PARN: variants seen among roughly 807,000 people sequenced by gnomAD.
PARN encodes poly(A)-specific ribonuclease, also known as poly(A)-specific ribonuclease PARN.
PARN carries 71 observed loss-of-function variants against 102.8 expected under a neutral mutation model. That is an observed-to-expected ratio of 0.69 (90% CI 0.57 to 0.84). The LOEUF is 0.84. Among genes scored for constraint, PARN ranks in the 40% least tolerant of loss-of-function variants. The pLI, the probability that PARN is intolerant of heterozygous loss-of-function variation, is 0.00. For missense variants in PARN, 782 were observed against 760.9 expected, an observed-to-expected ratio of 1.03 and a Z score of -0.33; for synonymous variants, 261 against 252.9, an observed-to-expected ratio of 1.03 and a Z score of -0.30.
At chr16:14,505,399 CAGGAGTTAAAGGCTGA>C (rs1964841366) in intron 21 of PARN, among the ~76,000 whole-genome samples, 1 of 152,126 alleles carries the variant, frequency 6.6e-6, no homozygotes, top group Admixed American at 6.5e-5. Context: ...ACCTCGAGCC[CAGGAGTTAAAGGCTGA>C]AGCTGGAGGG....
At chr16:14,496,159 A>G (rs1188569795) in intron 21 of PARN, among the ~76,000 whole-genome samples, 1 of 152,202 alleles carries the variant, frequency 6.6e-6, no homozygotes, top group East Asian at 1.9e-4. Context: ...CCTGCTGAAG[A>G]TGGCGATTCT....
At chr16:14,514,055 T>C (rs1158817170) in intron 21 of PARN, among the ~76,000 whole-genome samples, 1 of 152,136 alleles carries the variant, frequency 6.6e-6, no homozygotes, top group Non-Finnish European at 1.5e-5. Flanking sequence ...GAACCTCAGA[T>C]TCTAGTCAAG....
At position 14,444,301 on chromosome 16, in the gene PARN, CTT is replaced by C. The variant is rs1263280887; in HGVS notation, c.1864+2585_1864+2586del. Among the ~76,000 whole-genome samples the C allele has an allele frequency of 6.1e-5, 8 of 131,888 alleles. No homozygotes were observed. The South Asian group carries it at 1.4e-3, about 23-fold the overall frequency. The allele number at this position is 131,888 out of a possible 152,430, so 86.5% of individuals were successfully genotyped here. ...TCAATTAAAAGTTGTCAAGATGTCT[CTT>C]TCTCTTTTTTTTTTGGCAGCACTGA... On this transcript the variant is annotated intron_variant, in intron 23 of 23. Coordinates refer to ENST00000437198, the MANE Select transcript of PARN (RefSeq NM_002582.4).
intron 13 of PARN, among the ~76,000 whole-genome samples, chr16:14,589,722 C>T (rs549526037): frequency 6.0e-5 from 9 of 150,418 alleles, no homozygotes; most frequent in African/African-American, 1.7e-4. Flanking sequence ...AAAAATTAGC[C>T]AGGCATGGTG....
At chr16:14,573,156 T>C (rs1165658252) in intron 18 of PARN, among the ~76,000 whole-genome samples, 1 of 152,136 alleles carries the variant, frequency 6.6e-6, no homozygotes, top group Non-Finnish European at 1.5e-5. Flanking sequence ...GCTAGGATTA[T>C]AGGCATGAGC....
intron 5 of PARN, among the ~76,000 whole-genome samples, chr16:14,623,505 C>T (rs576475787): frequency 1.0e-3 from 153 of 150,730 alleles, no homozygotes; most frequent in African/African-American, 3.4e-3. Context: ...AGAGCAAAAC[C>T]CCATCTCAAA....
chr16:14,610,726 C>G lies in PARN; in HGVS notation c.472G>C (p.Ala158Pro). The G allele has an allele frequency of 6.2e-7, 1 of 1,606,130 alleles. No individual in the cohort carries two copies. The highest frequency in any genetic ancestry group is 8.5e-7 in the Non-Finnish European group (1 of 1,172,704). ...GTGTTAGGAGATACATAGGACAGAGCTCCTGCACCATTCGCCTGTGAACGT... is the reference window on the plus strand; with the variant it reads ...GTGTTAGGAGATACATAGGACAGAGGTCCTGCACCATTCGCCTGTGAACGT... ...EKRSQANGAG[A>P]LSYVSPNTSK... The change falls in exon 7 of 24, where the codon GCT becomes CCT. Residue 158 changes from alanine to proline, a missense_variant. By Grantham distance (27) the Ala-to-Pro change is conservative. Coordinates refer to ENST00000437198, the MANE Select transcript of PARN (RefSeq NM_002582.4).
chr16:14,565,016 C>T (rs1968346173), intron 18 of PARN: 1 of 152,140 alleles, frequency 6.6e-6, no homozygotes, highest in Non-Finnish European at 1.5e-5. Flanking sequence ...AAACCTTAAC[C>T]GACCAGCAGC....
intron 22 of PARN, among the ~76,000 whole-genome samples, chr16:14,466,931 G>A (rs1422219978): frequency 1.3e-5 from 2 of 152,040 alleles, no homozygotes; most frequent in Non-Finnish European, 2.9e-5. Flanking sequence ...TCTGGGCAGG[G>A]TCAAATTTGG....
rs200556764 is a variant in PARN, at chr16:14,575,131, C to T, written c.1262+5743G>A. ...AGAAGTCTGCTGCAGGGGTGGGGCCCTCATGGAGAACTTCTGCTAGGGCAG... is the reference window on the plus strand; with the variant it reads ...AGAAGTCTGCTGCAGGGGTGGGGCCTTCATGGAGAACTTCTGCTAGGGCAG... On this transcript the variant is annotated intron_variant, in intron 18 of 23. Coordinates refer to ENST00000437198, the MANE Select transcript of PARN (RefSeq NM_002582.4). Among the ~76,000 whole-genome samples, 18 of 152,300 alleles carry T rather than the reference C, an allele frequency of 1.2e-4. No homozygotes were observed. The East Asian group carries it at 3.3e-3, about 28-fold the overall frequency.
At chr16:14,596,454 G>T in intron 12 of PARN, among the ~76,000 whole-genome samples, 1 of 152,010 alleles carries the variant, frequency 6.6e-6, no homozygotes, top group Non-Finnish European at 1.5e-5. Flanking sequence ...AAGGGAAAGG[G>T]CTGGGTGTGG....
chr16:14,482,511 T>A (rs1242293686), intron 22 of PARN, 127 bp downstream of exon 22: 1 of 666,088 alleles, frequency 1.5e-6, no homozygotes. Flanking sequence ...ACTTCTGATA[T>A]GATGTGAAAA....
Position 14,444,365 on chromosome 16 carries a change from C to T in PARN, c.1864+2523G>A, listed in dbSNP as rs1447365367. 2.0e-5 allele frequency among the ~76,000 whole-genome samples: 3 copies of T among 150,796 alleles called. No homozygotes were observed. The East Asian group carries it at 5.8e-4, about 29-fold the overall frequency. On this transcript the variant is annotated intron_variant, in intron 23 of 23. Transcript: ENST00000437198. ...AAAATCTACAATTTTTTTTTTAGCTCAAATCTTGTGGCAGTGACAGCTTTA... is the reference window on the plus strand; with the variant it reads ...AAAATCTACAATTTTTTTTTTAGCTTAAATCTTGTGGCAGTGACAGCTTTA...
At chr16:14,594,963 T>A (rs1015532809) in intron 12 of PARN, among the ~76,000 whole-genome samples, 2 of 152,174 alleles carry the variant, frequency 1.3e-5, no homozygotes, top group Non-Finnish European at 2.9e-5. Context: ...CCAAATGGAA[T>A]GCAAACACTA....
intron 19 of PARN, among the ~76,000 whole-genome samples, chr16:14,554,455 G>A (rs1464714698): frequency 6.6e-6 from 1 of 150,630 alleles, no homozygotes; most frequent in Non-Finnish European, 1.5e-5. Context: ...TTTTGAGACA[G>A]GGTTTTGCCT....
At chr16:14,615,261 A>G (rs913942794) in intron 6 of PARN, among the ~76,000 whole-genome samples, 6 of 151,906 alleles carry the variant, frequency 3.9e-5, no homozygotes, top group Non-Finnish European at 7.4e-5. Context: ...AAAACAGAAG[A>G]AGGAGGCACA....
chr16:14,502,346 CACT>C (rs1204643322), intron 21 of PARN, among the ~76,000 whole-genome samples: 1 of 152,226 alleles, frequency 6.6e-6, no homozygotes, highest in Non-Finnish European at 1.5e-5. Context: ...GGTCAGAACA[CACT>C]ACTGTTTCTC....
chr16:14,457,918 G>A (rs1961758184), intron 22 of PARN, among the ~76,000 whole-genome samples: 1 of 149,786 alleles, frequency 6.7e-6, no homozygotes, highest in Non-Finnish European at 1.5e-5. Context: ...GTGTGTGTGG[G>A]GGTGTGTGTG....
Position 14,561,157 on chromosome 16 carries a change from C to CAAAA in PARN, c.1263-5452_1263-5449dup, listed in dbSNP as rs749716960. Among the ~76,000 whole-genome samples the CAAAA allele has an allele frequency of 2.4e-4, 14 of 57,188 alleles. No individual in the cohort carries two copies. The South Asian group carries it at 5.9e-3, about 24-fold the overall frequency. 37.5% of individuals were successfully genotyped at this position (57,188 alleles called of 152,430 possible). A position where few individuals can be genotyped will look rare whatever the true frequency, so the allele number is the denominator to read the frequency against. On this transcript the variant is annotated intron_variant, in intron 18 of 23. Coordinates refer to ENST00000437198, the MANE Select transcript of PARN (RefSeq NM_002582.4). ...AAGTGATAAGAGCAAAACTCCGTCT[C>CAAAA]AAAAAAAAAAAAAAAAAAGAAAAGG...
Sources: allele counts gnomAD v4.1 joint callset (sites outside exome capture counted in the v4.1 genomes callset), GRCh38; gene constraint gnomAD v4.1.1; transcripts MANE v1.5; gene names NCBI Gene and HGNC (gene_info 2026-07-23, HGNC 2026-07-21).